NLRP9: variants seen among roughly 807,000 people sequenced by gnomAD.
NLRP9 encodes the protein NACHT, LRR and PYD domains-containing protein 9.
NLRP9 carries 88 observed loss-of-function variants against 83.1 expected under a neutral mutation model. That is an observed-to-expected ratio of 1.06 (90% CI 0.89 to 1.26). The LOEUF (loss-of-function observed/expected upper bound fraction) is 1.26, where lower values mean the gene tolerates loss of function less well. Ranked by LOEUF, NLRP9 falls within the 50% of genes most tolerant of loss-of-function variation. NLRP9 has a pLI of 0.00. For missense variants in NLRP9, 1,308 were observed against 1,179.3 expected (o/e 1.11, Z -1.60); for synonymous variants, 521 against 447.6 (o/e 1.16, Z -2.07).
chr19:55,720,236 A>T (rs59246267), intron 4 of NLRP9, among the ~76,000 whole-genome samples: 20,114 of 152,196 alleles, frequency 0.13, 1,702 homozygotes, highest in African/African-American at 0.23. Context: ...ACTTACTCAA[A>T]GTAGGTCATA....
At chr19:55,715,999 G>C (rs1247017189) in intron 5 of NLRP9, among the ~76,000 whole-genome samples, 1 of 152,212 alleles carries the variant, frequency 6.6e-6, no homozygotes, top group Non-Finnish European at 1.5e-5. Flanking sequence ...GATGTCAGAT[G>C]ATGAGTATGT....
At chr19:55,709,611 G>C (rs1987621531) in intron 8 of NLRP9, 1 of 152,150 alleles carries the variant, frequency 6.6e-6, no homozygotes, top group African/African-American at 2.4e-5. Flanking sequence ...CCTCAACAAA[G>C]CTGGTTTTTG....
chr19:55,712,701 TGA>T, intron 6 of NLRP9, 111 bp from the exon 7 acceptor site: 1 of 865,978 alleles, frequency 1.2e-6, no homozygotes, highest in Non-Finnish European at 1.8e-6. Flanking sequence ...AAATCTGAGA[TGA>T]TGAGGAGGGT....
chr19:55,735,928 T>G (rs1988773582), intron 1 of NLRP9, among the ~76,000 whole-genome samples: 1 of 151,968 alleles, frequency 6.6e-6, no homozygotes, highest in African/African-American at 2.4e-5. Context: ...CCTTAGGTGA[T>G]CCGCCCACCT....
Position 55,724,160 on chromosome 19 carries a change from A to G in NLRP9, c.1995-16T>C, listed in dbSNP as rs1227417251. 2.5e-6 allele frequency: 4 copies of G among 1,585,702 alleles called. No homozygotes were observed. The highest frequency in any genetic ancestry group is 1.7e-5 in the Admixed American group (1 of 57,524). On this transcript the variant is annotated splice_polypyrimidine_tract_variant and intron_variant, in intron 3 of 8. Transcript: ENST00000332836. ...AGAAGTAAATCTGCAAAAGATTAAA[A>G]AAAAAATAGCATCATGCAATGAGAT...
Position 55,708,812 on chromosome 19 carries a change from T to C in NLRP9, c.*100A>G, listed in dbSNP as rs2122266210. On this transcript the variant is annotated 3_prime_UTR_variant, in exon 9 of 9. Transcript: ENST00000332836. ...GGGAGTACCTCTGAAATCACAGCCC[T>C]GCTGCCATGATGTGCAATTACAGGA... is the stretch of plus-strand genomic sequence containing the variant. The C allele has an allele frequency of 2.6e-6, 2 of 775,242 alleles. No individual in the cohort carries two copies. The highest frequency in any genetic ancestry group is 1.8e-5 in the African/African-American group (1 of 54,998). 48.0% of individuals were successfully genotyped at this position (775,242 alleles called of 1,614,324 possible).
In NLRP9 at chr19:55,732,627, C is replaced by A; in HGVS notation, c.1204G>T (p.Gly402Ter). Residue 402 changes from glycine to a stop codon, truncating the protein, a stop_gained, in exon 2 of 9, where the codon GGA (glycine) becomes TGA (stop). Coordinates refer to ENST00000332836, the MANE Select transcript of NLRP9 (RefSeq NM_176820.4). LOFTEE classifies it high-confidence loss of function. ...AATACAAATGTATATGTCCAAATTC[C>A]CTCTGCAGCCAAAGCACACAGGCTT... ...LKSLCALAAEGIWTYTFVFSH... is the reference protein window; with the variant it reads ...LKSLCALAAE 1 of 1,614,174 alleles carries A rather than the reference C, an allele frequency of 6.2e-7. No homozygotes were observed. Among genetic ancestry groups the A allele is most frequent in the Non-Finnish European group, 8.5e-7 (1 of 1,180,024 alleles).
chr19:55,719,048 C>G (rs1303752519), intron 4 of NLRP9, among the ~76,000 whole-genome samples: 1 of 152,212 alleles, frequency 6.6e-6, no homozygotes, highest in African/African-American at 2.4e-5. Flanking sequence ...GGTAGGAGCT[C>G]AGTCCCACAA....
At chr19:55,730,291 TAAA>T (rs1568602396) in intron 2 of NLRP9, among the ~76,000 whole-genome samples, 1 of 152,070 alleles carries the variant, frequency 6.6e-6, no homozygotes, top group African/African-American at 2.4e-5. Flanking sequence ...CCATCTCTAT[TAAA>T]AATTTAAAAA....
At chr19:55,714,177 C>T (rs1987918106) in intron 6 of NLRP9, among the ~76,000 whole-genome samples, 1 of 151,964 alleles carries the variant, frequency 6.6e-6, no homozygotes. Context: ...ATGAATGAGT[C>T]TCACGCTCTG....
intron 1 of NLRP9, among the ~76,000 whole-genome samples, chr19:55,734,474 CTGA>C (rs1300523728): frequency 1.4e-5 from 2 of 146,870 alleles, no homozygotes; most frequent in African/African-American, 2.5e-5. Context: ...TTTAATTAAA[CTGA>C]TGATAGCAGG....
In NLRP9 at chr19:55,738,138, G is replaced by C. The variant is rs561670510; in HGVS notation, c.237C>G (p.Ile79Met). ...CCTTTGTCCAGAGATCTTTCCTATT[G>C]ATCTGTAGAAACAGGTTCAGTGTTA... ...WEVTLNLFLQ[I>M]NRKDLWTKAQ... Residue 79 changes from isoleucine to methionine, a missense_variant, in exon 1 of 9, where the codon ATC becomes ATG. Ile to Met is a conservative substitution (Grantham distance 10, BLOSUM62 1). Coordinates refer to ENST00000332836, the MANE Select transcript of NLRP9 (RefSeq NM_176820.4). 26 of 1,614,066 alleles carry C rather than the reference G, an allele frequency of 1.6e-5. No homozygotes were observed. Among genetic ancestry groups the C allele is most frequent in the Non-Finnish European group, 1.4e-5 (16 of 1,180,008 alleles).
intron 4 of NLRP9, among the ~76,000 whole-genome samples, chr19:55,718,340 G>C (rs982028652): frequency 6.6e-6 from 1 of 152,200 alleles, no homozygotes; most frequent in Admixed American, 6.5e-5. Flanking sequence ...GAGGAGGAGT[G>C]AAAGAGGGAG....
At chr19:55,719,043 G>A (rs1043739616) in intron 4 of NLRP9, among the ~76,000 whole-genome samples, 7 of 152,148 alleles carry the variant, frequency 4.6e-5, no homozygotes, top group African/African-American at 1.7e-4. Context: ...CACACGGTAG[G>A]AGCTCAGTCC....
chr19:55,730,145 T>A (rs1052761929), intron 2 of NLRP9, among the ~76,000 whole-genome samples, 153 bp from the exon 3 acceptor site: 3 of 152,112 alleles, frequency 2.0e-5, no homozygotes, highest in Non-Finnish European at 4.4e-5. Context: ...GGAGCCAACA[T>A]GACATAATAG....
At position 55,729,410 on chromosome 19, in the gene NLRP9, G is replaced by A. The variant is rs190569816; in HGVS notation, c.1994+421C>T. Among the ~76,000 whole-genome samples the A allele has an allele frequency of 1.3e-4, 19 of 151,778 alleles. No individual in the cohort carries two copies. In the East Asian group the frequency reaches 3.5e-3, roughly 28 times the overall value. The stretch of plus-strand genomic sequence containing the variant: ...CTCCCCCCACCCCACAACAGGCTGC[G>A]GTATGTGATGTTCCCCTTCCTGTGC... On this transcript the variant is annotated intron_variant, in intron 3 of 8. Transcript: ENST00000332836.
chr19:55,708,963 T>G lies in NLRP9; in HGVS notation c.2925A>C (p.Ser975=), dbSNP rs765268448. 5.7e-6 allele frequency: 9 copies of G among 1,590,368 alleles called. No individual in the cohort carries two copies. Among genetic ancestry groups the G allele is most frequent in the East Asian group, 2.3e-5 (1 of 43,096 alleles). The change falls in exon 9 of 9, where the codon TCA becomes TCC. Residue 975 remains serine, a synonymous_variant. Transcript: ENST00000332836. ...ATTCCTCGTCAATCCAAGGTCCATG[T>G]GAAATGGTCAGATGGGGAATTTTTT... ...VEEKIPHLTI[S]HGPWIDEEYK...
chr19:55,735,534 A>C (rs1568605662), intron 1 of NLRP9, among the ~76,000 whole-genome samples: 1 of 152,146 alleles, frequency 6.6e-6, no homozygotes, highest in African/African-American at 2.4e-5. Flanking sequence ...TGTCTGTATT[A>C]CTCTACATTT....
chr19:55,711,812 A>ATT lies in NLRP9; in HGVS notation c.2830_2831insAA (p.Leu944GlnfsTer20). On this transcript the variant is annotated frameshift_variant, in exon 8 of 9. Transcript: ENST00000332836. LOFTEE classifies it low-confidence loss of function (END_TRUNC). Reference sequence around the variant, plus strand: ...AGTGTCCACTCACCCCAGCATCTGCAGGGCACAGTCCGGGTGGCTCAATGC... The same window carrying ATT: ...AGTGTCCACTCACCCCAGCATCTGCATTGGGCACAGTCCGGGTGGCTCAATGC... 3 of 1,613,188 alleles carry ATT rather than the reference A, an allele frequency of 1.9e-6. No individual in the cohort carries two copies. The highest frequency in any genetic ancestry group is 8.5e-7 in the Non-Finnish European group (1 of 1,179,830).
Sources: gnomAD v4.1 joint callset for allele counts (sites outside exome capture counted in the v4.1 genomes callset) on GRCh38, gnomAD v4.1.1 for gene constraint, MANE v1.5 for transcripts, NCBI Gene and HGNC (gene_info 2026-07-23, HGNC 2026-07-21) for gene names.